Variants in TDRD12 observed in about 807,000 individuals in gnomAD.
TDRD12 encodes tudor domain containing 12.
Under a neutral mutation model 133.5 loss-of-function variants are expected in TDRD12, and 158 were observed. The observed-to-expected ratio is 1.18, with a 90% CI of 1.04 to 1.35. TDRD12 has a LOEUF of 1.35. TDRD12 is among the 40% of genes most tolerant of loss of function. The pLI is 0.00. For missense variants in TDRD12, 1,443 were observed against 1,321.3 expected (o/e 1.09, Z -1.43); for synonymous variants, 460 against 477.9 (o/e 0.96, Z 0.49).
chr19:32,808,053 G>A (rs1448300642), intron 22 of TDRD12, among the ~76,000 whole-genome samples: 1 of 152,070 alleles, frequency 6.6e-6, no homozygotes, highest in African/African-American at 2.4e-5. Context: ...GTGAGATCTT[G>A]TCTCTACAAA....
intron 1 of TDRD12, among the ~76,000 whole-genome samples, chr19:32,728,379 TC>T (rs1003039435): frequency 6.6e-6 from 1 of 152,216 alleles, no homozygotes; most frequent in African/African-American, 2.4e-5. Flanking sequence ...TATTAAATCT[TC>T]CAGTCAATGA....
At position 32,793,345 on chromosome 19, in the gene TDRD12, A is replaced by G. The variant is rs1271130792; in HGVS notation, c.1288-1283A>G. ...TTCCCTTCCAACCTTTGTCAAGAAG[A>G]TATTAAAATATGTTCTCTACCAAAA... On this transcript the variant is annotated intron_variant, in intron 13 of 27. Coordinates refer to ENST00000444215, the Ensembl canonical transcript of TDRD12. Among the ~76,000 whole-genome samples, 3 of 152,178 alleles carry G rather than the reference A, an allele frequency of 2.0e-5. No individual in the cohort carries two copies. The East Asian group carries it at 5.8e-4, about 29-fold the overall frequency.
At chr19:32,824,716 C>T (rs970773938), downstream of TDRD12, among the ~76,000 whole-genome samples, 5 of 152,104 alleles carry the variant, frequency 3.3e-5, no homozygotes, top group East Asian at 5.8e-4. Context: ...CGAGGGGATG[C>T]GTGATTGTCT....
At chr19:32,794,124 GAGA>G (rs1971153241) in intron 13 of TDRD12, among the ~76,000 whole-genome samples, 1 of 33,870 alleles carries the variant, frequency 3.0e-5, no homozygotes, top group Non-Finnish European at 6.3e-5. Context: ...TTTTTTTTTT[GAGA>G]TGGAGTCTCG....
Position 32,802,751 on chromosome 19 carries a change from C to A in TDRD12, c.2293C>A (p.Arg765Ser), listed in dbSNP as rs192542716. The A allele has an allele frequency of 5.9e-4, 899 of 1,536,622 alleles. 1 individual carries two copies. Among genetic ancestry groups the A allele is most frequent in the Non-Finnish European group, 7.3e-4 (838 of 1,147,008 alleles). Residue 765 changes from arginine to serine, a missense_variant, in exon 20 of 28, where the codon CGC becomes AGC. Transcript: ENST00000444215. ...TGCCTCACCAAAAGTTTTTGGTGGA[C>A]GCCTGTATTGCATGTCTGATCATTT...
At chr19:32,747,125 A>G (rs182993960) in intron 4 of TDRD12, among the ~76,000 whole-genome samples, 1,857 of 151,506 alleles carry the variant, frequency 0.012, 30 homozygotes, top group Admixed American at 0.032. Context: ...AGAGAGGGGG[A>G]GAGAGACTGA....
intron 25 of TDRD12, among the ~76,000 whole-genome samples, chr19:32,814,316 G>A (rs1050851276): frequency 2.0e-5 from 3 of 152,102 alleles, no homozygotes; most frequent in Non-Finnish European, 4.4e-5. Flanking sequence ...CTCCCTGCTT[G>A]TTCCCCAAGA....
In TDRD12 at chr19:32,720,145, C is replaced by G. The variant is rs779645035; in HGVS notation, c.24+49C>G. 1.5e-5 allele frequency: 22 copies of G among 1,512,882 alleles called. No homozygotes were observed. In the South Asian group the frequency reaches 2.4e-4, roughly 17 times the overall value. The allele number at this position is 1,512,882 out of a possible 1,614,324, so 93.7% of individuals were successfully genotyped here. On this transcript the variant is annotated intron_variant, in intron 1 of 27. Transcript: ENST00000444215. The stretch of plus-strand genomic sequence containing the variant: ...ACGCCAGACCCACGCAGTCCCCCAC[C>G]CCCACCCCAGCCGCGCACAGCCTCC...
chr19:32,752,918 G>A (rs1050241505), intron 6 of TDRD12, among the ~76,000 whole-genome samples: 5 of 149,844 alleles, frequency 3.3e-5, no homozygotes, highest in African/African-American at 9.8e-5. Context: ...TCAACCTCCC[G>A]AGTAGCTGGG....
At position 32,828,708 on chromosome 19, in the gene TDRD12, G is replaced by C. The variant is rs1568505184; in HGVS notation, c.*1542G>C. ...TAGAGGTGAACTTTGTCATCAAGCT[G>C]TCCTGTGAGCAGGTCTGGATCACAC... On this transcript the variant is annotated 3_prime_UTR_variant, in exon 10 of 10. Transcript: ENST00000637289. 2.0e-5 allele frequency: 3 copies of C among 152,320 alleles called. No individual in the cohort carries two copies. The South Asian group carries it at 6.2e-4, about 32-fold the overall frequency. 9.4% of individuals were successfully genotyped at this position (152,320 alleles called of 1,614,324 possible).
chr19:32,729,834 A>C lies in TDRD12; in HGVS notation c.25-1891A>C, dbSNP rs1284191303. On this transcript the variant is annotated intron_variant, in intron 1 of 27. Coordinates refer to ENST00000444215, the Ensembl canonical transcript of TDRD12. ...GAGATGGAGTCTTGCTCTGTCGCCC[A>C]GGCTGGAGTGCAGTGGCGCAATCTC... Among the ~76,000 whole-genome samples, 4 of 115,402 alleles carry C rather than the reference A, an allele frequency of 3.5e-5. No individual in the cohort carries two copies. The East Asian group carries it at 1.2e-3, about 33-fold the overall frequency. 75.7% of individuals were successfully genotyped at this position (115,402 alleles called of 152,430 possible). A position where few individuals can be genotyped will look rare whatever the true frequency, so the allele number is the denominator to read the frequency against.
intron 6 of TDRD12, among the ~76,000 whole-genome samples, chr19:32,751,567 C>CCT (rs1969828132): frequency 6.6e-6 from 1 of 151,630 alleles, no homozygotes; most frequent in Admixed American, 6.6e-5. Context: ...CTTCCCTTCC[C>CCT]CTCTCCTTCC....
chr19:32,763,241 T>C (rs1970201405), intron 8 of TDRD12, among the ~76,000 whole-genome samples: 1 of 152,126 alleles, frequency 6.6e-6, no homozygotes, highest in African/African-American at 2.4e-5. Context: ...TTTCTACCAT[T>C]TGTGATTTTA....
At position 32,811,402 on chromosome 19, in the gene TDRD12, A is replaced by T. The variant is rs896434077; in HGVS notation, c.3030A>T (p.Glu1010Asp). The T allele has an allele frequency of 4.6e-6, 7 of 1,535,976 alleles. No individual in the cohort carries two copies. The African/African-American group carries it at 6.8e-5, about 15-fold the overall frequency. ...GTAGGGTGAAACCTGCTGACAACGA[A>T]ATAGAATGGAATCCGAAGGTGGGTG... Residue 1010 changes from glutamate (E) to aspartate (D), a missense_variant, in exon 24 of 28, where the codon GAA becomes GAT. Transcript: ENST00000444215.
At chr19:32,761,646 G>A (rs1019106199) in intron 8 of TDRD12, among the ~76,000 whole-genome samples, 4 of 151,988 alleles carry the variant, frequency 2.6e-5, no homozygotes, top group Admixed American at 6.6e-5. Context: ...ATTTGCTGTT[G>A]GTATATCTTC....
At chr19:32,794,594 C>T (rs1484015855) in intron 13 of TDRD12, 34 bp from the exon 14 acceptor site, 1 of 694,878 alleles carries the variant, frequency 1.4e-6, no homozygotes, top group Non-Finnish European at 2.6e-6. Flanking sequence ...TTTTCTCTAC[C>T]TTATTTTGGT....
intron 6 of TDRD12, among the ~76,000 whole-genome samples, chr19:32,753,790 T>C (rs1052577773): frequency 1.3e-5 from 2 of 151,772 alleles, no homozygotes; most frequent in African/African-American, 4.8e-5. Flanking sequence ...GTGTTGGGAT[T>C]ACAGGTGTGA....
At chr19:32,762,379 A>G (rs1228694652) in intron 8 of TDRD12, among the ~76,000 whole-genome samples, 2 of 152,192 alleles carry the variant, frequency 1.3e-5, no homozygotes, top group Non-Finnish European at 2.9e-5. Context: ...CTGTGCCTAG[A>G]GTCACTTTTC....
At chr19:32,756,981 A>G (rs1970012956) in intron 7 of TDRD12, 57 bp from the exon 8 acceptor site, 1 of 1,447,966 alleles carries the variant, frequency 6.9e-7, no homozygotes, top group Non-Finnish European at 9.5e-7. Flanking sequence ...ACGAGTTCAC[A>G]TTTTTATTTT....
Sources: gnomAD v4.1 joint callset for allele counts (sites outside exome capture counted in the v4.1 genomes callset) on GRCh38, gnomAD v4.1.1 for gene constraint, MANE v1.5 for transcripts, NCBI Gene and HGNC (gene_info 2026-07-23, HGNC 2026-07-21) for gene names.